Variants in NOS1AP observed in about 807,000 individuals in gnomAD.
NOS1AP encodes the protein carboxyl-terminal PDZ ligand of neuronal nitric oxide synthase protein.
NOS1AP carries 21 observed loss-of-function variants against 56.2 expected under a neutral mutation model. The ratio of observed to expected loss-of-function variants is 0.37; its 90% CI spans 0.26 to 0.54. NOS1AP has a LOEUF of 0.54. Ranked by LOEUF, NOS1AP falls within the 20% of genes least tolerant of loss-of-function variation. The pLI is 0.84. For synonymous variants in NOS1AP, 270 were observed against 274.6 expected (o/e 0.98, Z 0.17); for missense variants, 522 against 657.8 (o/e 0.79, Z 2.26).
At chr1:162,292,723 C>G (rs1454397876) in intron 3 of NOS1AP, among the ~76,000 whole-genome samples, 2 of 152,206 alleles carry the variant, frequency 1.3e-5, no homozygotes, top group Non-Finnish European at 2.9e-5. Context: ...AACCTGTACT[C>G]TGTCATGGGT....
At chr1:162,308,582 C>T (rs1330535895) in intron 4 of NOS1AP, among the ~76,000 whole-genome samples, 3 of 152,172 alleles carry the variant, frequency 2.0e-5, no homozygotes, top group African/African-American at 4.8e-5. Flanking sequence ...ATATCCACAC[C>T]ACTGATGGGC....
intron 2 of NOS1AP, among the ~76,000 whole-genome samples, chr1:162,224,449 C>G (rs1652879895): frequency 6.6e-6 from 1 of 152,062 alleles, no homozygotes. Flanking sequence ...GCAATGGAAA[C>G]TTAGGACATT....
chr1:162,357,177 C>A, intron 8 of NOS1AP, 41 bp downstream of exon 8: 1 of 1,591,926 alleles, frequency 6.3e-7, no homozygotes, highest in Non-Finnish European at 8.5e-7. Flanking sequence ...GCTCCACTCT[C>A]ATGGGCTTGA....
intron 1 of NOS1AP, among the ~76,000 whole-genome samples, chr1:162,080,868 A>T (rs1691870102): frequency 6.6e-6 from 1 of 152,184 alleles, no homozygotes; most frequent in African/African-American, 2.4e-5. Flanking sequence ...CTATGAAACG[A>T]TTAATTTAAT....
intron 2 of NOS1AP, among the ~76,000 whole-genome samples, chr1:162,241,206 A>T (rs1653479308): frequency 6.6e-6 from 1 of 152,218 alleles, no homozygotes; most frequent in Admixed American, 6.5e-5. Context: ...TTAGCCAGAC[A>T]AGGGAAGCAG....
intron 2 of NOS1AP, among the ~76,000 whole-genome samples, chr1:162,275,280 C>T (rs147522420): frequency 2.6e-5 from 4 of 152,122 alleles, no homozygotes; most frequent in Non-Finnish European, 5.9e-5. Flanking sequence ...TGGGTTCCAG[C>T]GATTCTCTTG....
Position 162,256,178 on chromosome 1 carries a change from T to C in NOS1AP, c.178-31166T>C, listed in dbSNP as rs188267410. Among the ~76,000 whole-genome samples, 130 of 151,988 alleles carry C rather than the reference T, an allele frequency of 8.6e-4. No individual in the cohort carries two copies. The Middle Eastern group carries it at 0.02, about 24-fold the overall frequency. On this transcript the variant is annotated intron_variant, in intron 2 of 9. Transcript: ENST00000361897. ...AGAAAAAAAAAAAGAATTGGCTAAA[T>C]TGGAATAGAGGTAAGCAGACAGGGG...
intron 1 of NOS1AP, among the ~76,000 whole-genome samples, chr1:162,145,262 GT>G (rs1371513433): frequency 1.4e-5 from 2 of 140,972 alleles, no homozygotes; most frequent in African/African-American, 5.1e-5. Flanking sequence ...TGAGGGGTGG[GT>G]GGGGGGGTTG....
intron 1 of NOS1AP, among the ~76,000 whole-genome samples, chr1:162,132,188 TC>T (rs1448144112): frequency 6.6e-6 from 1 of 152,188 alleles, no homozygotes; most frequent in Non-Finnish European, 1.5e-5. Flanking sequence ...GACTCCTGAC[TC>T]TGCCAAATAC....
intron 2 of NOS1AP, among the ~76,000 whole-genome samples, chr1:162,229,240 T>C (rs1306053634): frequency 6.6e-6 from 1 of 152,156 alleles, no homozygotes; most frequent in Non-Finnish European, 1.5e-5. Context: ...CTGTGCAGCA[T>C]GCAGATATAA....
intron 2 of NOS1AP, among the ~76,000 whole-genome samples, chr1:162,237,994 G>GCTGT (rs2101677312): frequency 6.6e-6 from 1 of 152,272 alleles, no homozygotes; most frequent in East Asian, 1.9e-4. Context: ...ATGCAGAGCT[G>GCTGT]CTGTCGTGGT....
chr1:162,239,240 A>G (rs1424774133), intron 2 of NOS1AP, among the ~76,000 whole-genome samples: 3 of 152,226 alleles, frequency 2.0e-5, no homozygotes, highest in Admixed American at 6.5e-5. Flanking sequence ...TGATGTGGGC[A>G]GGTGCCTCTA....
At chr1:162,079,351 A>G (rs1334480034) in intron 1 of NOS1AP, among the ~76,000 whole-genome samples, 1 of 152,228 alleles carries the variant, frequency 6.6e-6, no homozygotes, top group Non-Finnish European at 1.5e-5. Context: ...CATTTATGTA[A>G]GAAACATTTT....
chr1:162,193,663 T>A (rs778074165), intron 2 of NOS1AP, among the ~76,000 whole-genome samples: 9 of 152,200 alleles, frequency 5.9e-5, no homozygotes, highest in Non-Finnish European at 7.4e-5. Flanking sequence ...TTGGATTGTC[T>A]GTTCCCTTCT....
chr1:162,272,956 C>T (rs1382781716), intron 2 of NOS1AP, among the ~76,000 whole-genome samples: 1 of 152,068 alleles, frequency 6.6e-6, no homozygotes, highest in Admixed American at 6.5e-5. Context: ...AGTTACCAGA[C>T]TGAGTTGACC....
intron 2 of NOS1AP, among the ~76,000 whole-genome samples, chr1:162,164,764 G>A (rs188053151): frequency 4.3e-4 from 65 of 152,248 alleles, no homozygotes; most frequent in Admixed American, 3.4e-3. Flanking sequence ...ACAGGGTCTG[G>A]TGTGTGGCAA....
chr1:162,324,416 C>CTTTTT lies in NOS1AP; in HGVS notation c.345-8577_345-8573dup, dbSNP rs35946766. Among the ~76,000 whole-genome samples the CTTTTT allele has an allele frequency of 3.7e-4, 27 of 72,142 alleles. 5 individuals are homozygous for CTTTTT. The highest frequency in any genetic ancestry group is 4.4e-4 in the African/African-American group (9 of 20,244). The allele number at this position is 72,142 out of a possible 152,430, so 47.3% of individuals were successfully genotyped here. A position where few individuals can be genotyped will look rare whatever the true frequency, so the allele number is the denominator to read the frequency against. The stretch of plus-strand genomic sequence containing the variant: ...TAGTGGTTTTGTGAGGGACACTAGC[C>CTTTTT]TTTTTTTTTTTTTTTTTTTTTTTTT... On this transcript the variant is annotated intron_variant, in intron 4 of 9. Transcript: ENST00000361897.
intron 5 of NOS1AP, among the ~76,000 whole-genome samples, chr1:162,343,373 C>A (rs937738531): frequency 6.6e-6 from 1 of 152,190 alleles, no homozygotes; most frequent in East Asian, 1.9e-4. Context: ...TTGGTTTCTG[C>A]TGTTTAGGCC....
intron 1 of NOS1AP, among the ~76,000 whole-genome samples, chr1:162,072,835 G>T (rs905258151): frequency 5.3e-5 from 8 of 152,204 alleles, no homozygotes; most frequent in Admixed American, 3.3e-4. Context: ...CAATCACTGG[G>T]ATTTCAGGGT....
Sources: allele counts gnomAD v4.1 joint callset (sites outside exome capture counted in the v4.1 genomes callset), GRCh38; gene constraint gnomAD v4.1.1; transcripts MANE v1.5; gene names NCBI Gene and HGNC (gene_info 2026-07-23, HGNC 2026-07-21).